Variants in CRIPT observed in about 807,000 individuals in gnomAD.
CRIPT encodes the protein CXXC repeat containing interactor of PDZ3 domain.
In CRIPT, 20 loss-of-function variants were observed where a neutral mutation model predicts 16.6. The observed-to-expected ratio is 1.20, with a 90% confidence interval of 0.85 to 1.75. CRIPT has a LOEUF of 1.75. Ranked by LOEUF, CRIPT falls within the 40% of genes most tolerant of loss-of-function variation. The pLI, the probability that CRIPT is intolerant of heterozygous loss-of-function variation, is 0.00. For synonymous variants in CRIPT, 42 were observed against 37.0 expected (o/e 1.14, Z -0.49); for missense variants, 133 against 115.3 (o/e 1.15, Z -0.70).
At chr2:46,618,373 C>T (rs1362685974) in intron 1 of CRIPT, among the ~76,000 whole-genome samples, 1 of 152,074 alleles carries the variant, frequency 6.6e-6, no homozygotes, top group Non-Finnish European at 1.5e-5. Context: ...CTGTGGAACC[C>T]AGGTTACAGA....
Position 46,626,419 on chromosome 2 carries a change from T to G in CRIPT, c.*2192T>G, listed in dbSNP as rs1315825907. On this transcript the variant is annotated 3_prime_UTR_variant, in exon 5 of 5. Transcript: ENST00000238892. ...TATGTGAGTGTATGTGTCTTTTTGG[T>G]AGAACAATTTATTTTCATTTGGATT... Among the ~76,000 whole-genome samples the G allele has an allele frequency of 6.6e-6, 1 of 152,234 alleles. No homozygotes were observed. The highest frequency in any genetic ancestry group is 1.5e-5 in the Non-Finnish European group (1 of 68,048).
intron 3 of CRIPT, 36 bp downstream of exon 3, chr2:46,619,717 T>G: frequency 6.5e-7 from 1 of 1,532,054 alleles, no homozygotes; most frequent in African/African-American, 1.4e-5. Context: ...TCACATAAAT[T>G]TCCTTCTTTT....
chr2:46,628,002 T>C lies in CRIPT; in HGVS notation c.*3775T>C, dbSNP rs1202017477. Among the ~76,000 whole-genome samples, 2 of 152,222 alleles carry C rather than the reference T, an allele frequency of 1.3e-5. No individual in the cohort carries two copies. Among genetic ancestry groups the C allele is most frequent in the Non-Finnish European group, 1.5e-5 (1 of 68,046 alleles). On this transcript the variant is annotated 3_prime_UTR_variant, in exon 5 of 5. Coordinates refer to ENST00000238892, the MANE Select transcript of CRIPT (RefSeq NM_014171.6). ...ATCTGTACCATGCTGTTTTGGTTACTGTAGCTTCCTTATAGTATAGTTTAA... is the reference window on the plus strand; with the variant it reads ...ATCTGTACCATGCTGTTTTGGTTACCGTAGCTTCCTTATAGTATAGTTTAA...
Position 46,629,716 on chromosome 2 carries a change from A to C in CRIPT, c.*5489A>C, listed in dbSNP as rs562342222. ...TGCACAGAATGTCCATTTGTCCCTT[A>C]TTGGTGATGCTAATTTTGATCACTT... On this transcript the variant is annotated 3_prime_UTR_variant, in exon 5 of 5. Coordinates refer to ENST00000238892, the MANE Select transcript of CRIPT (RefSeq NM_014171.6). Among the ~76,000 whole-genome samples, 18 of 152,092 alleles carry C rather than the reference A, an allele frequency of 1.2e-4. No individual in the cohort carries two copies. The highest frequency in any genetic ancestry group is 2.2e-4 in the Non-Finnish European group (15 of 68,014).
intron 3 of CRIPT, among the ~76,000 whole-genome samples, chr2:46,622,465 A>G (rs1363761497): frequency 6.6e-6 from 1 of 152,166 alleles, no homozygotes; most frequent in Non-Finnish European, 1.5e-5. Flanking sequence ...ATACATGTCC[A>G]AACAAATTGA....
At chr2:46,622,277 G>A (rs1391386432) in intron 3 of CRIPT, among the ~76,000 whole-genome samples, 5 of 151,904 alleles carry the variant, frequency 3.3e-5, no homozygotes, top group African/African-American at 1.2e-4. Flanking sequence ...GGCTGAGGCA[G>A]GAGAATGGCA....
intron 2 of CRIPT, 70 bp from the exon 3 acceptor site, chr2:46,619,557 A>G: frequency 9.5e-7 from 1 of 1,054,836 alleles, no homozygotes; most frequent in Non-Finnish European, 1.4e-6. Context: ...AAGTCAAGGA[A>G]TGAACTTCTT....
At chr2:46,621,501 T>C (rs1419106955) in intron 3 of CRIPT, among the ~76,000 whole-genome samples, 3 of 152,244 alleles carry the variant, frequency 2.0e-5, no homozygotes, top group Non-Finnish European at 4.4e-5. Context: ...CTTAGTATCC[T>C]GTTAGAATTT....
chr2:46,620,178 G>T (rs938394604), intron 3 of CRIPT, among the ~76,000 whole-genome samples: 2 of 152,178 alleles, frequency 1.3e-5, no homozygotes, highest in Non-Finnish European at 2.9e-5. Context: ...GCTGGGTAAG[G>T]TGACTCACAC....
At chr2:46,622,283 T>C (rs1456043223) in intron 3 of CRIPT, among the ~76,000 whole-genome samples, 7 of 148,868 alleles carry the variant, frequency 4.7e-5, no homozygotes, top group Non-Finnish European at 8.9e-5. Context: ...GGCAGGAGAA[T>C]GGCATGAACC....
chr2:46,625,772 G>A lies in CRIPT; in HGVS notation c.*1545G>A, dbSNP rs1670923745. Reference sequence around the variant, plus strand: ...GTATCCTCTCATGCTTAATCAGTTTGGGGTTTTTAATTATAACACAGGAAA... The same window carrying A: ...GTATCCTCTCATGCTTAATCAGTTTAGGGTTTTTAATTATAACACAGGAAA... On this transcript the variant is annotated 3_prime_UTR_variant, in exon 5 of 5. Coordinates refer to ENST00000238892, the MANE Select transcript of CRIPT (RefSeq NM_014171.6). The A allele has an allele frequency of 6.6e-6, 1 of 151,992 alleles. No individual in the cohort carries two copies. The highest frequency in any genetic ancestry group is 2.4e-5 in the African/African-American group (1 of 41,364). 9.4% of individuals were successfully genotyped at this position (151,992 alleles called of 1,614,324 possible).
chr2:46,621,387 A>G (rs1437750403), intron 3 of CRIPT, among the ~76,000 whole-genome samples: 1 of 152,146 alleles, frequency 6.6e-6, no homozygotes, highest in Non-Finnish European at 1.5e-5. Flanking sequence ...CTTCCGTTAG[A>G]GCTTACGTAT....
intron 3 of CRIPT, among the ~76,000 whole-genome samples, chr2:46,620,319 C>T (rs1272050801): frequency 2.0e-5 from 3 of 152,068 alleles, no homozygotes; most frequent in Admixed American, 6.5e-5. Flanking sequence ...TGGCAGCACG[C>T]GCCTGTAGTC....
chr2:46,628,174 A>G lies in CRIPT; in HGVS notation c.*3947A>G, dbSNP rs1364001137. ...TCCCAGGCTCTGAGTGCAGCTGTGC[A>G]ATCTCAGCTCACTGCAACCTCTGCC... is the stretch of plus-strand genomic sequence containing the variant. On this transcript the variant is annotated 3_prime_UTR_variant, in exon 5 of 5. Transcript: ENST00000238892. 1.3e-5 allele frequency among the ~76,000 whole-genome samples: 2 copies of G among 149,092 alleles called. No homozygotes were observed. Among genetic ancestry groups the G allele is most frequent in the Non-Finnish European group, 3.0e-5 (2 of 67,604 alleles).
Position 46,623,791 on chromosome 2 carries a change from C to A in CRIPT, c.165C>A (p.Phe55Leu). ...TTGATCCATATGGAAAGAATAAGTT[C>A]TCCACTTGTAGAATTTGTAAAAGTT... is the stretch of plus-strand genomic sequence containing the variant. ...ARFDPYGKNK[F>L]STCRICKSSV... The change falls in exon 4 of 5, where the codon TTC (phenylalanine) becomes TTA (leucine). Residue 55 changes from phenylalanine (F) to leucine (L), a missense_variant. Physicochemically the swap from Phe to Leu is conservative, Grantham distance 22. Transcript: ENST00000238892. 6.2e-7 allele frequency: 1 copy of A among 1,607,512 alleles called. No individual in the cohort carries two copies. The highest frequency in any genetic ancestry group is 8.5e-7 in the Non-Finnish European group (1 of 1,176,010).
intron 3 of CRIPT, among the ~76,000 whole-genome samples, chr2:46,621,114 C>G (rs1486961754): frequency 6.6e-6 from 1 of 152,200 alleles, no homozygotes; most frequent in African/African-American, 2.4e-5. Flanking sequence ...TCTCTAGTTT[C>G]CCGCAGTTGT....
chr2:46,617,405 G>A lies in CRIPT; in HGVS notation c.16+107G>A, dbSNP rs73926530. 8.3e-4 allele frequency: 1,034 copies of A among 1,250,140 alleles called. 8 individuals carry two copies. The African/African-American group carries it at 0.014, about 17-fold the overall frequency. 77.4% of individuals were successfully genotyped at this position (1,250,140 alleles called of 1,614,324 possible). ...GTTTTTTCTTCGCCCACAGGTCTCA[G>A]ATTCTATCCGCTGTCTTTCTACCCT... On this transcript the variant is annotated intron_variant, in intron 1 of 4. Transcript: ENST00000238892.
intron 3 of CRIPT, among the ~76,000 whole-genome samples, chr2:46,622,679 AGC>A (rs1285536932): frequency 1.3e-5 from 2 of 151,518 alleles, no homozygotes; most frequent in Non-Finnish European, 2.9e-5. Context: ...CGGGCGTGGT[AGC>A]GCATGCCTGT....
Position 46,619,649 on chromosome 2 carries a change from T to C in CRIPT, c.105T>C (p.Asn35=). Residue 35 remains asparagine, a synonymous_variant, in exon 3 of 5, where the codon AAT becomes AAC. Coordinates refer to ENST00000238892, the MANE Select transcript of CRIPT (RefSeq NM_014171.6). ...CAGAAAGTGGTGGAAGAAAGCTGAA[T>C]GAAAATAAAGCTTTGACTTCAAAAA... ...NTTESGGRKL[N]ENKALTSKKA... is the part of the protein sequence containing the mutation. The C allele has an allele frequency of 1.2e-6, 2 of 1,611,794 alleles. No homozygotes were observed. The highest frequency in any genetic ancestry group is 1.7e-6 in the Non-Finnish European group (2 of 1,178,846).
Sources: allele counts gnomAD v4.1 joint callset (sites outside exome capture counted in the v4.1 genomes callset), GRCh38; gene constraint gnomAD v4.1.1; transcripts MANE v1.5; gene names NCBI Gene and HGNC (gene_info 2026-07-23, HGNC 2026-07-21).